The following CHST12 variants were observed in gnomAD, a reference collection of about 807,000 sequenced individuals.
CHST12 encodes carbohydrate sulfotransferase 12, also known as carbohydrate (chondroitin 4) sulfotransferase 12.
CHST12 carries 23 observed loss-of-function variants against 27.9 expected under a neutral mutation model. That is an observed-to-expected ratio of 0.82 (90% confidence interval 0.59 to 1.17). The LOEUF (loss-of-function observed/expected upper bound fraction) is 1.17, where lower values mean the gene tolerates loss of function less well. CHST12 is among the 50% of genes most tolerant of loss of function. CHST12 has a pLI of 0.00. For missense variants in CHST12, 682 were observed against 603.0 expected (o/e 1.13, Z -1.37); for synonymous variants, 322 against 273.0 (o/e 1.18, Z -1.77).
Position 2,441,332 on chromosome 7 carries a change from GTT to G in CHST12, c.*7449_*7450del, listed in dbSNP as rs1215117137. On this transcript the variant is annotated 3_prime_UTR_variant, in exon 2 of 2. Coordinates refer to ENST00000618655, the MANE Select transcript of CHST12 (RefSeq NM_018641.5). Reference sequence around the variant, plus strand: ...CTAGGTCTCCTGCCCCTGGGCTGGAGTTCATCTTTTAGGCAAATTTGGAATAG... The same window carrying G: ...CTAGGTCTCCTGCCCCTGGGCTGGAGCATCTTTTAGGCAAATTTGGAATAG... 3 of 152,210 alleles carry G rather than the reference GTT, an allele frequency of 2.0e-5. No homozygotes were observed. In the East Asian group the frequency reaches 5.8e-4, roughly 29 times the overall value. The allele number at this position is 152,210 out of a possible 1,614,324, so 9.4% of individuals were successfully genotyped here. A position where few individuals can be genotyped will look rare whatever the true frequency, so the allele number is the denominator to read the frequency against.
In CHST12 at chr7:2,440,985, G is replaced by C. The variant is rs536593693; in HGVS notation, c.*7101G>C. The C allele has an allele frequency of 6.6e-6, 1 of 152,318 alleles. No individual in the cohort carries two copies. Among genetic ancestry groups the C allele is most frequent in the Non-Finnish European group, 1.5e-5 (1 of 68,038 alleles). The allele number at this position is 152,318 out of a possible 1,614,324, so 9.4% of individuals were successfully genotyped here. A position where few individuals can be genotyped will look rare whatever the true frequency, so the allele number is the denominator to read the frequency against. On this transcript the variant is annotated 3_prime_UTR_variant, in exon 2 of 2. Coordinates refer to ENST00000618655, the MANE Select transcript of CHST12 (RefSeq NM_018641.5). ...GTCTAAGCACCATCCTTGCTTAGGAGAGACACGGCTGTGGCTCTCAGGCTG... is the reference window on the plus strand; with the variant it reads ...GTCTAAGCACCATCCTTGCTTAGGACAGACACGGCTGTGGCTCTCAGGCTG...
rs747931126 is a variant in CHST12, at chr7:2,432,656, T to C, written c.17T>C (p.Leu6Pro). Residue 6 changes from leucine to proline, a missense_variant, in exon 2 of 2, where the codon CTG becomes CCG. Transcript: ENST00000618655. MTKAR[L>P]FRLWLVLGSV... ...CGGGGCAGGATGACCAAGGCCCGGC[T>C]GTTCCGGCTGTGGCTGGTGCTGGGG... 1 of 1,608,848 alleles carries C rather than the reference T, an allele frequency of 6.2e-7. No homozygotes were observed. The highest frequency in any genetic ancestry group is 8.5e-7 in the Non-Finnish European group (1 of 1,175,924).
At chr7:2,413,317 G>C (rs1583210300) in intron 1 of CHST12, among the ~76,000 whole-genome samples, 1 of 152,194 alleles carries the variant, frequency 6.6e-6, no homozygotes, top group African/African-American at 2.4e-5. Flanking sequence ...TCATATTAGA[G>C]AGAGAAGTGT....
chr7:2,425,507 C>G (rs986281839), intron 1 of CHST12, among the ~76,000 whole-genome samples: 7 of 152,152 alleles, frequency 4.6e-5, no homozygotes, highest in African/African-American at 2.4e-5. Context: ...TGGCCTCTGA[C>G]GGAGATGAGT....
intron 1 of CHST12, among the ~76,000 whole-genome samples, chr7:2,423,759 G>T (rs1443558911): frequency 1.3e-5 from 2 of 152,188 alleles, no homozygotes; most frequent in African/African-American, 4.8e-5. Flanking sequence ...GCTTTTTACT[G>T]TGATTTACCT....
In CHST12 at chr7:2,409,253, G is replaced by A. The variant is rs188131018; in HGVS notation, c.-78+5580G>A. ...CGCCTGTCGCCTTGGGAAGTCAGTCGCTAATGCCCCAAGCTGAACAACCAA... is the reference window on the plus strand; with the variant it reads ...CGCCTGTCGCCTTGGGAAGTCAGTCACTAATGCCCCAAGCTGAACAACCAA... On this transcript the variant is annotated intron_variant, in intron 1 of 1. Coordinates refer to ENST00000618655, the MANE Select transcript of CHST12 (RefSeq NM_018641.5). 3.3e-5 allele frequency among the ~76,000 whole-genome samples: 5 copies of A among 152,244 alleles called. No homozygotes were observed. In the East Asian group the frequency reaches 5.8e-4, roughly 18 times the overall value.
At chr7:2,425,203 CAAAA>C (rs144902925) in intron 1 of CHST12, among the ~76,000 whole-genome samples, 1 of 72,008 alleles carries the variant, frequency 1.4e-5, no homozygotes, top group African/African-American at 4.3e-5. Flanking sequence ...GACTCCGTCT[CAAAA>C]AAAAAAAAAA....
rs773097093 is a variant in CHST12 at position 2,447,878 on chromosome 7, T to TTTG, written c.*14004_*14006dup. 1 of 149,288 alleles carries TTTG rather than the reference T, an allele frequency of 6.7e-6. No homozygotes were observed. The highest frequency in any genetic ancestry group is 1.5e-5 in the Non-Finnish European group (1 of 67,110). 9.2% of individuals were successfully genotyped at this position (149,288 alleles called of 1,614,324 possible). A position where few individuals can be genotyped will look rare whatever the true frequency, so the allele number is the denominator to read the frequency against. ...GAGAGCAGCCTGAATAAACACTTTTTTTGTTGTTGTTGAGGCAGAGCCTCA... is the reference window on the plus strand; with the variant it reads ...GAGAGCAGCCTGAATAAACACTTTTTTTGTTGTTGTTGTTGAGGCAGAGCCTCA... On this transcript the variant is annotated 3_prime_UTR_variant, in exon 2 of 2. Coordinates refer to ENST00000618655, the MANE Select transcript of CHST12 (RefSeq NM_018641.5).
intron 1 of CHST12, among the ~76,000 whole-genome samples, chr7:2,423,162 A>C (rs1782021515): frequency 1.3e-5 from 2 of 151,720 alleles, no homozygotes; most frequent in Non-Finnish European, 2.9e-5. Context: ...GGTCCCAGCT[A>C]TTTGGGAGGC....
chr7:2,418,427 G>A (rs1781868459), intron 1 of CHST12, among the ~76,000 whole-genome samples: 1 of 152,216 alleles, frequency 6.6e-6, no homozygotes, highest in Non-Finnish European at 1.5e-5. Flanking sequence ...TCCCTTGCTG[G>A]AGGCAGCAGC....
intron 1 of CHST12, among the ~76,000 whole-genome samples, chr7:2,431,265 T>G (rs536318592): frequency 6.6e-6 from 1 of 152,352 alleles, no homozygotes; most frequent in Admixed American, 6.5e-5. Flanking sequence ...AGTAGTTTCC[T>G]TCCTTCTGAA....
At position 2,437,713 on chromosome 7, in the gene CHST12, AACACACACACACACGCGCGCACACAC is replaced by A. The variant is rs1479645580; in HGVS notation, c.*3844_*3869del. 1.5e-5 allele frequency: 2 copies of A among 136,190 alleles called. No homozygotes were observed. The highest frequency in any genetic ancestry group is 5.9e-5 in the African/African-American group (2 of 33,728). The allele number at this position is 136,190 out of a possible 1,614,324, so 8.4% of individuals were successfully genotyped here. A position where few individuals can be genotyped will look rare whatever the true frequency, so the allele number is the denominator to read the frequency against. ...CCTAGCTCTGCCACTTAGGAATCAG[AACACACACACACACGCGCGCACACAC>A]ACACACACACACACACTCTCTCTCA... On this transcript the variant is annotated 3_prime_UTR_variant, in exon 2 of 2. Coordinates refer to ENST00000618655, the MANE Select transcript of CHST12 (RefSeq NM_018641.5).
At chr7:2,417,557 T>A (rs2115404944) in intron 1 of CHST12, among the ~76,000 whole-genome samples, 1 of 152,116 alleles carries the variant, frequency 6.6e-6, no homozygotes, top group East Asian at 1.9e-4. Context: ...GCCTGACTAA[T>A]TTTTGTATTT....
chr7:2,415,767 C>G (rs2115400468), intron 1 of CHST12, among the ~76,000 whole-genome samples: 1 of 152,112 alleles, frequency 6.6e-6, no homozygotes, highest in Non-Finnish European at 1.5e-5. Context: ...CGCCCGCCAC[C>G]ACGCCTGGCT....
At chr7:2,432,471 T>C in intron 1 of CHST12, 92 bp from the exon 2 acceptor site, 1 of 780,822 alleles carries the variant, frequency 1.3e-6, no homozygotes, top group South Asian at 1.9e-5. Flanking sequence ...GCGCTCCTGC[T>C]CCTCCGGACC....
chr7:2,424,142 C>A (rs1583218838), intron 1 of CHST12, among the ~76,000 whole-genome samples: 2 of 152,042 alleles, frequency 1.3e-5, no homozygotes, highest in East Asian at 3.9e-4. Context: ...TCACCTGATC[C>A]CAGGAGTTCA....
chr7:2,405,282 TA>T (rs1781493951), intron 1 of CHST12, among the ~76,000 whole-genome samples: 1 of 152,026 alleles, frequency 6.6e-6, no homozygotes, highest in Non-Finnish European at 1.5e-5. Flanking sequence ...CCATCTCTAC[TA>T]AAAATACAAA....
At position 2,447,230 on chromosome 7, in the gene CHST12, C is replaced by T. The variant is rs974922370; in HGVS notation, c.*13346C>T. Reference sequence around the variant, plus strand: ...ACCACTGAGGCTGGTGCTGCACTTTCTCAGGGAATTGAGTGTGGGCTCCCA... The same window carrying T: ...ACCACTGAGGCTGGTGCTGCACTTTTTCAGGGAATTGAGTGTGGGCTCCCA... On this transcript the variant is annotated 3_prime_UTR_variant, in exon 2 of 2. Transcript: ENST00000618655. 2.6e-5 allele frequency: 4 copies of T among 152,270 alleles called. No homozygotes were observed. The highest frequency in any genetic ancestry group is 5.9e-5 in the Non-Finnish European group (4 of 68,090). The allele number at this position is 152,270 out of a possible 1,614,324, so 9.4% of individuals were successfully genotyped here.
chr7:2,405,827 G>A (rs1229823077), intron 1 of CHST12, among the ~76,000 whole-genome samples: 1 of 152,208 alleles, frequency 6.6e-6, no homozygotes, highest in Non-Finnish European at 1.5e-5. Context: ...TAGACCTGCA[G>A]AGTTGGCGGT....
Sources: gnomAD v4.1 joint callset for allele counts (sites outside exome capture counted in the v4.1 genomes callset) on GRCh38, gnomAD v4.1.1 for gene constraint, MANE v1.5 for transcripts, NCBI Gene and HGNC (gene_info 2026-07-23, HGNC 2026-07-21) for gene names.